Variants in PLEKHG1 observed in about 807,000 individuals in gnomAD.
PLEKHG1 encodes pleckstrin homology domain-containing family G member 1.
Under a neutral mutation model 100.8 loss-of-function variants are expected in PLEKHG1, and 44 were observed. The observed-to-expected ratio is 0.44, with a 90% CI of 0.34 to 0.56. PLEKHG1 has a LOEUF of 0.56. Ranked by LOEUF, PLEKHG1 falls within the 20% of genes least tolerant of loss-of-function variation. The probability of loss-of-function intolerance (pLI) is 0.01; values close to 1 mark genes in which losing one functional copy is unlikely to be tolerated. For missense variants in PLEKHG1, 1,545 were observed against 1,720.9 expected, an observed-to-expected ratio of 0.90 and a Z score of 1.81; for synonymous variants, 640 against 662.5, an observed-to-expected ratio of 0.97 and a Z score of 0.52.
chr6:150,781,477 C>T (rs1785306294), intron 3 of PLEKHG1, among the ~76,000 whole-genome samples: 1 of 151,412 alleles, frequency 6.6e-6, no homozygotes, highest in Admixed American at 6.6e-5. Flanking sequence ...TGCACTCCAG[C>T]CTGGGAGAAG....
At chr6:150,795,549 T>C (rs61020994) in intron 4 of PLEKHG1, among the ~76,000 whole-genome samples, 280 of 151,606 alleles carry the variant, frequency 1.8e-3, no homozygotes, top group African/African-American at 6.4e-3. Flanking sequence ...TAGGAAAACA[T>C]TGTGAAAGAC....
chr6:150,701,466 T>TATATATAAAAAA (rs1212311635), intron 3 of PLEKHG1, among the ~76,000 whole-genome samples: 1 of 84,240 alleles, frequency 1.2e-5, no homozygotes, highest in African/African-American at 1.2e-4. Context: ...TATATATATA[T>TATATATAAAAAA]AATTATACTT....
intron 3 of PLEKHG1, among the ~76,000 whole-genome samples, chr6:150,655,388 C>T (rs1169327393): frequency 2.0e-5 from 3 of 152,104 alleles, no homozygotes; most frequent in East Asian, 3.9e-4. Flanking sequence ...GACCCAAATG[C>T]CCATCAGTGA....
chr6:150,777,273 C>A (rs1431255941), intron 3 of PLEKHG1, among the ~76,000 whole-genome samples: 2 of 146,546 alleles, frequency 1.4e-5, no homozygotes, highest in Admixed American at 6.8e-5. Context: ...TGCACATGTG[C>A]GGTTGCACAT....
At chr6:150,701,732 G>C (rs1780800355) in intron 3 of PLEKHG1, among the ~76,000 whole-genome samples, 2 of 150,578 alleles carry the variant, frequency 1.3e-5, no homozygotes, top group Admixed American at 1.3e-4. Context: ...ACCTGTGACT[G>C]TTTCCATGTT....
At chr6:150,762,974 A>T (rs1389009293) in intron 2 of PLEKHG1, among the ~76,000 whole-genome samples, 1 of 149,816 alleles carries the variant, frequency 6.7e-6, no homozygotes, top group African/African-American at 2.5e-5. Flanking sequence ...AACTTCTTTT[A>T]CATGTTCTCC....
intron 14 of PLEKHG1, among the ~76,000 whole-genome samples, chr6:150,828,684 T>G (rs578223612): frequency 6.6e-6 from 1 of 152,152 alleles, no homozygotes; most frequent in South Asian, 2.1e-4. Context: ...CTATGGGAAT[T>G]TTCTGGGATG....
intron 3 of PLEKHG1, among the ~76,000 whole-genome samples, chr6:150,705,635 G>C (rs1413361551): frequency 6.6e-6 from 1 of 152,192 alleles, no homozygotes; most frequent in Non-Finnish European, 1.5e-5. Flanking sequence ...TTTTCCCTGG[G>C]GGAAGCTTTT....
intron 3 of PLEKHG1, among the ~76,000 whole-genome samples, chr6:150,701,470 T>G: frequency 8.9e-6 from 1 of 112,156 alleles, no homozygotes; most frequent in Non-Finnish European, 1.8e-5. Flanking sequence ...TATATATAAT[T>G]ATACTTTAAG....
At chr6:150,622,527 T>C (rs1777341158) in intron 1 of PLEKHG1, among the ~76,000 whole-genome samples, 1 of 152,116 alleles carries the variant, frequency 6.6e-6, no homozygotes, top group Non-Finnish European at 1.5e-5. Flanking sequence ...TGTTCTGAGT[T>C]AGGTTACTGG....
At chr6:150,699,195 G>T (rs1780668636) in intron 3 of PLEKHG1, among the ~76,000 whole-genome samples, 1 of 152,148 alleles carries the variant, frequency 6.6e-6, no homozygotes, top group African/African-American at 2.4e-5. Context: ...CCCTTTGTAC[G>T]TTTTTGGTTT....
At chr6:150,748,326 A>G (rs1206461683) in intron 2 of PLEKHG1, among the ~76,000 whole-genome samples, 1 of 152,178 alleles carries the variant, frequency 6.6e-6, no homozygotes, top group Non-Finnish European at 1.5e-5. Context: ...TGGGATTTTC[A>G]ATTTACTAGA....
chr6:150,624,556 C>T (rs927772203), intron 1 of PLEKHG1: 12 of 152,214 alleles, frequency 7.9e-5, no homozygotes, highest in Admixed American at 7.2e-4. Context: ...GTGATGGCTC[C>T]TGGAGGCATA....
intron 3 of PLEKHG1, among the ~76,000 whole-genome samples, chr6:150,778,315 A>AG (rs1427334298): frequency 4.6e-5 from 7 of 152,162 alleles, no homozygotes; most frequent in Non-Finnish European, 1.0e-4. Context: ...TTTAGTAGAG[A>AG]GGGGGCTTCA....
chr6:150,672,686 A>G lies in PLEKHG1; in HGVS notation c.-99+21900A>G, dbSNP rs530128754. On this transcript the variant is annotated intron_variant, in intron 3 of 3. Transcript: ENST00000367326. The stretch of plus-strand genomic sequence containing the variant: ...TTGTAGATGTTTAATTTCATTTCCA[A>G]CCAGGTCATTTTATAACGACAGGAA... 4.6e-5 allele frequency among the ~76,000 whole-genome samples: 7 copies of G among 152,330 alleles called. No individual in the cohort carries two copies. The South Asian group carries it at 1.0e-3, about 23-fold the overall frequency.
intron 2 of PLEKHG1, among the ~76,000 whole-genome samples, chr6:150,767,615 G>T (rs748106403): frequency 6.6e-6 from 1 of 152,186 alleles, no homozygotes; most frequent in Non-Finnish European, 1.5e-5. Flanking sequence ...ATTATCTAAT[G>T]GATCTTACAT....
At chr6:150,659,168 G>A (rs1388062382) in intron 3 of PLEKHG1, among the ~76,000 whole-genome samples, 4 of 152,132 alleles carry the variant, frequency 2.6e-5, no homozygotes, top group Non-Finnish European at 4.4e-5. Flanking sequence ...CTCTGAACTC[G>A]TGAACCTCCT....
At chr6:150,633,167 C>T (rs983779431) in intron 1 of PLEKHG1, 4 of 152,168 alleles carry the variant, frequency 2.6e-5, no homozygotes, top group African/African-American at 9.7e-5. Flanking sequence ...AAGATGAGAC[C>T]CAATTTCTGC....
intron 2 of PLEKHG1, among the ~76,000 whole-genome samples, chr6:150,740,998 C>G (rs760174857): frequency 4.6e-5 from 7 of 152,116 alleles, no homozygotes; most frequent in African/African-American, 1.4e-4. Flanking sequence ...ACCTTACTCT[C>G]GTCTTTCACC....
Sources: gnomAD v4.1 joint callset for allele counts (sites outside exome capture counted in the v4.1 genomes callset) on GRCh38, gnomAD v4.1.1 for gene constraint, MANE v1.5 for transcripts, NCBI Gene and HGNC (gene_info 2026-07-23, HGNC 2026-07-21) for gene names.